TGS1: variants seen among roughly 807,000 people sequenced by gnomAD.
TGS1 encodes trimethylguanosine synthase 1.
TGS1 carries 69 observed loss-of-function variants against 92.2 expected under a neutral mutation model. That is an observed-to-expected ratio of 0.75 (90% CI 0.62 to 0.91). The LOEUF is 0.91. Among genes scored for constraint, TGS1 ranks in the 40% least tolerant of loss-of-function variants. The pLI, the probability that TGS1 is intolerant of heterozygous loss-of-function variation, is 0.00. For missense variants in TGS1, 1,062 were observed against 1,001.2 expected, an observed-to-expected ratio of 1.06 and a Z score of -0.82; for synonymous variants, 345 against 338.1, an observed-to-expected ratio of 1.02 and a Z score of -0.22.
At chr8:55,790,361 C>T (rs1362523507) in intron 5 of TGS1, 62 bp downstream of exon 5, 1 of 1,019,920 alleles carries the variant, frequency 9.8e-7, no homozygotes, top group African/African-American at 1.6e-5. Context: ...ATGCATAAGC[C>T]AGTGGTTATT....
intron 1 of TGS1, among the ~76,000 whole-genome samples, chr8:55,780,600 T>C (rs1281299367): frequency 2.0e-5 from 3 of 152,218 alleles, no homozygotes; most frequent in Admixed American, 6.5e-5. Flanking sequence ...TCCAGTGTTA[T>C]ATCAGTATCC....
At chr8:55,824,480 A>C in intron 12 of TGS1, 101 bp from the exon 13 acceptor site, 2 of 1,495,180 alleles carry the variant, frequency 1.3e-6, no homozygotes, top group Non-Finnish European at 1.8e-6. Context: ...AAAGGACTTA[A>C]AAGCCAGAGT....
chr8:55,798,993 A>G lies in TGS1; in HGVS notation c.1622A>G (p.His541Arg), dbSNP rs914201519. The G allele has an allele frequency of 6.2e-6, 10 of 1,614,218 alleles. No homozygotes were observed. Among genetic ancestry groups the G allele is most frequent in the South Asian group, 1.1e-5 (1 of 91,092 alleles). The change falls in exon 8 of 13, where the codon CAC becomes CGC. Residue 541 changes from histidine to arginine, a missense_variant. Physicochemically the swap from His to Arg is conservative, Grantham distance 29. Coordinates refer to ENST00000260129, the MANE Select transcript of TGS1 (RefSeq NM_024831.8). ...GAATCATCTTCTCATGACAATGTGC[A>G]CGACGCTTCCACAAGTAGTGATTCA... ...SQESSSHDNV[H>R]DASTSSDSEE...
chr8:55,789,579 A>G (rs766529093), intron 4 of TGS1, among the ~76,000 whole-genome samples: 2 of 152,116 alleles, frequency 1.3e-5, no homozygotes, highest in Non-Finnish European at 2.9e-5. Flanking sequence ...ACATTTTTAA[A>G]CCTGTTAAAA....
intron 1 of TGS1, among the ~76,000 whole-genome samples, chr8:55,775,039 C>G (rs1026740527): frequency 1.3e-5 from 2 of 152,162 alleles, no homozygotes; most frequent in African/African-American, 2.4e-5. Context: ...CACTTGAGCC[C>G]GGAAGTTGGA....
chr8:55,812,186 A>T (rs1361066667), intron 11 of TGS1, among the ~76,000 whole-genome samples: 1 of 152,068 alleles, frequency 6.6e-6, no homozygotes. Flanking sequence ...CACCGTAATC[A>T]TCTGTTTGAC....
At chr8:55,796,636 C>T (rs1195078292) in intron 7 of TGS1, among the ~76,000 whole-genome samples, 7 of 147,832 alleles carry the variant, frequency 4.7e-5, no homozygotes, top group East Asian at 2.0e-4. Flanking sequence ...TGCAGTGAGC[C>T]GAGATCGCGC....
In TGS1 at chr8:55,773,463, C is replaced by G. The variant is rs971167934; in HGVS notation, c.-156C>G. The G allele has an allele frequency of 3.8e-6, 2 of 532,896 alleles. No homozygotes were observed. Among genetic ancestry groups the G allele is most frequent in the Non-Finnish European group, 6.4e-6 (2 of 310,594 alleles). The allele number at this position is 532,896 out of a possible 1,614,324, so 33.0% of individuals were successfully genotyped here. A position where few individuals can be genotyped will look rare whatever the true frequency, so the allele number is the denominator to read the frequency against. On this transcript the variant is annotated 5_prime_UTR_variant, in exon 1 of 13. Transcript: ENST00000260129. The stretch of plus-strand genomic sequence containing the variant: ...TCGGAGCCACTTCCGGCGGCAGCGT[C>G]CGGGCTAGTTCCCGGCGCGAGCGGC...
chr8:55,796,203 T>G (rs1812045579), intron 7 of TGS1, 51 bp downstream of exon 7: 1 of 1,361,242 alleles, frequency 7.3e-7, no homozygotes, highest in African/African-American at 1.5e-5. Flanking sequence ...GTTTTGTAAG[T>G]TTGACCTCTT....
chr8:55,780,796 A>C (rs919581340), intron 1 of TGS1, among the ~76,000 whole-genome samples: 3 of 152,172 alleles, frequency 2.0e-5, no homozygotes, highest in Non-Finnish European at 4.4e-5. Flanking sequence ...GTTAACATGG[A>C]ATCTAGATTC....
intron 12 of TGS1, among the ~76,000 whole-genome samples, chr8:55,816,050 C>T (rs1803467403): frequency 1.3e-5 from 2 of 151,982 alleles, no homozygotes; most frequent in Admixed American, 6.6e-5. Flanking sequence ...AATTCCTGGG[C>T]TCAAGTGATC....
chr8:55,822,549 CT>C (rs5891593), intron 12 of TGS1, among the ~76,000 whole-genome samples: 3,751 of 144,886 alleles, frequency 0.026, 81 homozygotes, highest in African/African-American at 0.066. Context: ...GACAAAATAC[CT>C]TTTTTTTTTT....
chr8:55,777,524 C>T (rs964730469), intron 1 of TGS1, among the ~76,000 whole-genome samples: 9 of 151,956 alleles, frequency 5.9e-5, no homozygotes, highest in Non-Finnish European at 1.3e-4. Context: ...CAAAATTTCT[C>T]TCCATTGCCA....
At chr8:55,814,662 A>T (rs1402289925) in intron 12 of TGS1, among the ~76,000 whole-genome samples, 1 of 127,264 alleles carries the variant, frequency 7.9e-6, no homozygotes, top group African/African-American at 3.4e-5. Context: ...CTCTACTTAA[A>T]AAAAAAAAAA....
At chr8:55,776,439 T>C (rs1486707433) in intron 1 of TGS1, among the ~76,000 whole-genome samples, 1 of 151,974 alleles carries the variant, frequency 6.6e-6, no homozygotes, top group African/African-American at 2.4e-5. Context: ...CGCCACAATG[T>C]CCAGCTAATT....
chr8:55,822,549 C>G lies in TGS1; in HGVS notation c.2440-2032C>G, dbSNP rs1563473706. 2.1e-5 allele frequency among the ~76,000 whole-genome samples: 3 copies of G among 145,044 alleles called. No homozygotes were observed. The Admixed American group carries it at 2.1e-4, about 10-fold the overall frequency. On this transcript the variant is annotated intron_variant, in intron 12 of 12. Coordinates refer to ENST00000260129, the MANE Select transcript of TGS1 (RefSeq NM_024831.8). ...CTTTTATTGGCTAAAGACAAAATAC[C>G]TTTTTTTTTTTTCCCCCTTTCTTGT...
intron 9 of TGS1, among the ~76,000 whole-genome samples, chr8:55,803,505 A>AG (rs1812278611): frequency 6.6e-6 from 1 of 152,184 alleles, no homozygotes; most frequent in Non-Finnish European, 1.5e-5. Context: ...TATTGGAAAA[A>AG]GTACGTAGGA....
rs922112915 is a variant in TGS1 at position 55,826,226 on chromosome 8, T to A, written c.*1523T>A. Among the ~76,000 whole-genome samples, 6 of 152,192 alleles carry A rather than the reference T, an allele frequency of 3.9e-5. No individual in the cohort carries two copies. The highest frequency in any genetic ancestry group is 1.4e-4 in the African/African-American group (6 of 41,434). The stretch of plus-strand genomic sequence containing the variant: ...GATTTCCAAAATCACTAATTTTTTT[T>A]AGTTTTTTGTCACTTAACCTTTCTT... On this transcript the variant is annotated 3_prime_UTR_variant, in exon 13 of 13. Coordinates refer to ENST00000260129, the MANE Select transcript of TGS1 (RefSeq NM_024831.8).
At chr8:55,778,355 T>C (rs1364240530) in intron 1 of TGS1, among the ~76,000 whole-genome samples, 1 of 152,226 alleles carries the variant, frequency 6.6e-6, no homozygotes, top group Non-Finnish European at 1.5e-5. Flanking sequence ...TCTACTATGC[T>C]ACCAGTTGGC....
Sources: allele counts gnomAD v4.1 joint callset (sites outside exome capture counted in the v4.1 genomes callset), GRCh38; gene constraint gnomAD v4.1.1; transcripts MANE v1.5; gene names NCBI Gene and HGNC (gene_info 2026-07-23, HGNC 2026-07-21).